GABRG3: variants seen among roughly 807,000 people sequenced by gnomAD.
GABRG3 encodes gamma-aminobutyric acid type A receptor subunit gamma3, also known as gamma-aminobutyric acid receptor subunit gamma-3.
In GABRG3, 25 loss-of-function variants were observed where a neutral mutation model predicts 48.8. That is an observed-to-expected ratio of 0.51 (90% confidence interval 0.37 to 0.72). GABRG3 has a LOEUF of 0.72. Ranked by LOEUF, GABRG3 falls within the 30% of genes least tolerant of loss-of-function variation. The pLI, the probability that GABRG3 is intolerant of heterozygous loss-of-function variation, is 0.00. For missense variants in GABRG3, 394 were observed against 577.9 expected (o/e 0.68, Z 3.26); for synonymous variants, 227 against 217.6 (o/e 1.04, Z -0.38).
In GABRG3 at chr15:27,218,922, C is replaced by T. The variant is rs73357734; in HGVS notation, c.271-107887C>T. 1.5e-3 allele frequency among the ~76,000 whole-genome samples: 230 copies of T among 152,280 alleles called. 3 individuals are homozygous for T. Among genetic ancestry groups the T allele is most frequent in the African/African-American group, 5.4e-3 (223 of 41,554 alleles). Reference sequence around the variant, plus strand: ...AGTTAGCTTCCATTATTGTGAATCACAGAGTAATGAGGAAATGAACAAATG... The same window carrying T: ...AGTTAGCTTCCATTATTGTGAATCATAGAGTAATGAGGAAATGAACAAATG... On this transcript the variant is annotated intron_variant, in intron 3 of 9. Transcript: ENST00000615808.
At position 27,541,851 on chromosome 15, in the gene GABRG3, G is replaced by T. The variant is rs1891666293; in HGVS notation, c.*8970G>T. ...GACGTGCCTTGGCGACACGGGCGGC[G>T]CCGCGCCCCGCTTCGTGCGTCCCGT... On this transcript the variant is annotated 3_prime_UTR_variant, in exon 10 of 10. Transcript: ENST00000615808. 6.6e-6 allele frequency: 1 copy of T among 152,236 alleles called. No individual in the cohort carries two copies. Among genetic ancestry groups the T allele is most frequent in the South Asian group, 2.1e-4 (1 of 4,836 alleles). 9.4% of individuals were successfully genotyped at this position (152,236 alleles called of 1,614,324 possible).
intron 3 of GABRG3, among the ~76,000 whole-genome samples, chr15:27,145,753 A>G (rs1898198359): frequency 6.6e-6 from 1 of 152,046 alleles, no homozygotes; most frequent in Admixed American, 6.6e-5. Flanking sequence ...ATTTATTTTC[A>G]TATCAAGTAA....
intron 3 of GABRG3, among the ~76,000 whole-genome samples, chr15:27,073,355 C>T (rs1353794763): frequency 1.3e-5 from 2 of 152,342 alleles, no homozygotes; most frequent in South Asian, 2.1e-4. Flanking sequence ...TGAGGTGTGT[C>T]AGCAGCATGC....
chr15:26,977,194 G>C (rs1894967852), intron 2 of GABRG3, 44 bp downstream of exon 2: 1 of 1,566,068 alleles, frequency 6.4e-7, no homozygotes, highest in East Asian at 2.3e-5. Context: ...ATATGCTGTA[G>C]TGATATGAAG....
At chr15:27,494,196 TAA>T (rs1330990582) in intron 6 of GABRG3, among the ~76,000 whole-genome samples, 1 of 152,116 alleles carries the variant, frequency 6.6e-6, no homozygotes, top group African/African-American at 2.4e-5. Flanking sequence ...ACTACTCTTA[TAA>T]ATATTAATGC....
intron 2 of GABRG3, among the ~76,000 whole-genome samples, chr15:26,979,224 T>TTTTG (rs1156493029): frequency 6.6e-6 from 1 of 152,202 alleles, no homozygotes; most frequent in African/African-American, 2.4e-5. Context: ...TTGGGACTTT[T>TTTTG]TTTGTTTGTT....
At chr15:27,335,536 GC>G (rs1462224532) in intron 5 of GABRG3, among the ~76,000 whole-genome samples, 19 of 152,162 alleles carry the variant, frequency 1.2e-4, no homozygotes, top group Admixed American at 1.2e-3. Context: ...TCAGATGCAT[GC>G]TATGCCTTTG....
intron 3 of GABRG3, among the ~76,000 whole-genome samples, chr15:27,269,370 C>A (rs2140472466): frequency 6.6e-6 from 1 of 152,204 alleles, no homozygotes; most frequent in East Asian, 1.9e-4. Flanking sequence ...TTTCAAGTGA[C>A]ATGTTGTTCT....
chr15:27,454,249 G>A (rs142981561), intron 5 of GABRG3, among the ~76,000 whole-genome samples: 33 of 152,286 alleles, frequency 2.2e-4, no homozygotes, highest in African/African-American at 7.9e-4. Context: ...GAAAAATGAA[G>A]CGTGTGGTCC....
chr15:27,211,961 G>C (rs114693919), intron 3 of GABRG3, among the ~76,000 whole-genome samples: 355 of 152,310 alleles, frequency 2.3e-3, no homozygotes, highest in African/African-American at 8.3e-3. Context: ...AGGGTCATCT[G>C]TAAGAGCCTG....
At chr15:27,035,982 A>T (rs1035349119) in intron 3 of GABRG3, among the ~76,000 whole-genome samples, 1 of 152,138 alleles carries the variant, frequency 6.6e-6, no homozygotes, top group Non-Finnish European at 1.5e-5. Context: ...GTCAAGGGTG[A>T]CTCACATCCT....
chr15:27,250,707 G>A (rs1423005790), intron 3 of GABRG3, among the ~76,000 whole-genome samples: 6 of 152,220 alleles, frequency 3.9e-5, no homozygotes, highest in African/African-American at 1.2e-4. Flanking sequence ...GATCACAGGC[G>A]TGAGCCACCG....
At chr15:27,088,254 CGCGGGGGCG>C (rs1897119161) in intron 3 of GABRG3, among the ~76,000 whole-genome samples, 1 of 81,168 alleles carries the variant, frequency 1.2e-5, no homozygotes. Context: ...TCGGGGCGGG[CGCGGGGGCG>C]GGCGCGGGGG....
At chr15:27,229,454 TGTG>T (rs770160755) in intron 3 of GABRG3, among the ~76,000 whole-genome samples, 4 of 145,940 alleles carry the variant, frequency 2.7e-5, no homozygotes, top group African/African-American at 5.1e-5. Context: ...CTAGGTTTTT[TGTG>T]TGTGTGTGTG....
chr15:27,041,648 T>C (rs1346632623), intron 3 of GABRG3, among the ~76,000 whole-genome samples: 1 of 152,232 alleles, frequency 6.6e-6, no homozygotes, highest in Non-Finnish European at 1.5e-5. Context: ...ATTCGTAGTG[T>C]GTTCATGTAC....
At chr15:27,497,478 G>A (rs1404590909) in intron 6 of GABRG3, among the ~76,000 whole-genome samples, 2 of 152,084 alleles carry the variant, frequency 1.3e-5, no homozygotes, top group African/African-American at 2.4e-5. Flanking sequence ...CTTGATTATC[G>A]TTTTGGAGAA....
chr15:27,356,371 C>T (rs537928305), intron 5 of GABRG3, among the ~76,000 whole-genome samples: 4 of 152,170 alleles, frequency 2.6e-5, no homozygotes, highest in South Asian at 2.1e-4. Flanking sequence ...CTACATCTCC[C>T]GCTGGGCCTC....
chr15:27,052,323 T>A (rs1358760746), intron 3 of GABRG3, among the ~76,000 whole-genome samples: 1 of 152,120 alleles, frequency 6.6e-6, no homozygotes, highest in South Asian at 2.1e-4. Context: ...CCGCAAATGG[T>A]GACCAGATCA....
intron 5 of GABRG3, among the ~76,000 whole-genome samples, chr15:27,372,162 GAT>G (rs556944988): frequency 4.6e-5 from 7 of 151,656 alleles, no homozygotes; most frequent in Non-Finnish European, 1.0e-4. Context: ...TTTCATATGA[GAT>G]ATATATATAT....
Sources: gnomAD v4.1 joint callset for allele counts (sites outside exome capture counted in the v4.1 genomes callset) on GRCh38, gnomAD v4.1.1 for gene constraint, MANE v1.5 for transcripts, NCBI Gene and HGNC (gene_info 2026-07-23, HGNC 2026-07-21) for gene names.